Variants in AFAP1 observed in about 807,000 individuals in gnomAD.
AFAP1 encodes the protein actin filament associated protein 1.
Under a neutral mutation model 93.9 loss-of-function variants are expected in AFAP1, and 75 were observed. That is an observed-to-expected ratio of 0.80 (90% CI 0.66 to 0.97). The LOEUF is 0.97. AFAP1 is among the 50% of genes least tolerant of loss of function. AFAP1 has a pLI of 0.00. For synonymous variants in AFAP1, 517 were observed against 430.7 expected, an observed-to-expected ratio of 1.20 and a Z score of -2.48; for missense variants, 1,201 against 1,050.8, an observed-to-expected ratio of 1.14 and a Z score of -1.98.
At chr4:7,818,058 G>A (rs772026222) in intron 7 of AFAP1, among the ~76,000 whole-genome samples, 4 of 152,148 alleles carry the variant, frequency 2.6e-5, no homozygotes, top group Non-Finnish European at 5.9e-5. Flanking sequence ...CAATGTGGGG[G>A]GCATCTGGGG....
chr4:7,827,569 C>CGAAAAAAAAAAAAAA (rs1390814580), intron 6 of AFAP1, among the ~76,000 whole-genome samples: 1 of 52,254 alleles, frequency 1.9e-5, no homozygotes, highest in Non-Finnish European at 3.4e-5. Context: ...ACTCTGTCTC[C>CGAAAAAAAAAAAAAA]AAAAAAAAAA....
At chr4:7,808,631 G>C (rs1323100808) in intron 9 of AFAP1, among the ~76,000 whole-genome samples, 2 of 152,334 alleles carry the variant, frequency 1.3e-5, no homozygotes, top group East Asian at 3.9e-4. Flanking sequence ...CATTGGTATA[G>C]TTTGGATATT....
intron 9 of AFAP1, among the ~76,000 whole-genome samples, chr4:7,806,154 A>G (rs1271181820): frequency 6.6e-6 from 1 of 152,244 alleles, no homozygotes; most frequent in Non-Finnish European, 1.5e-5. Flanking sequence ...CATATTATCT[A>G]CGCGGCTGTG....
intron 8 of AFAP1, among the ~76,000 whole-genome samples, chr4:7,814,465 C>T (rs1297002083): frequency 6.6e-6 from 1 of 151,566 alleles, no homozygotes; most frequent in Non-Finnish European, 1.5e-5. Context: ...AAAAACCTGT[C>T]TCTGAATGCA....
chr4:7,767,272 G>GAGCAAA (rs1714732858), intron 17 of AFAP1, among the ~76,000 whole-genome samples: 1 of 152,234 alleles, frequency 6.6e-6, no homozygotes, highest in South Asian at 2.1e-4. Context: ...CATTCACCAA[G>GAGCAAA]AGGGAGCAAA....
chr4:7,867,054 GA>G (rs1000398840), intron 3 of AFAP1, among the ~76,000 whole-genome samples: 4 of 135,254 alleles, frequency 3.0e-5, no homozygotes, highest in Non-Finnish European at 6.3e-5. Flanking sequence ...GAGGAAAGAT[GA>G]AAGAGGGGAG....
At chr4:7,873,028 T>C (rs570323592) in intron 1 of AFAP1, among the ~76,000 whole-genome samples, 2 of 148,350 alleles carry the variant, frequency 1.3e-5, no homozygotes, top group African/African-American at 5.0e-5. Flanking sequence ...GGCAGGCGGA[T>C]CACCTAAGGT....
intron 13 of AFAP1, among the ~76,000 whole-genome samples, chr4:7,779,911 A>G (rs1716581563): frequency 6.6e-6 from 1 of 152,164 alleles, no homozygotes; most frequent in Non-Finnish European, 1.5e-5. Flanking sequence ...ATGTAATTTA[A>G]CTTGCAAAAA....
At chr4:7,814,170 CAAT>C (rs201816709) in intron 8 of AFAP1, among the ~76,000 whole-genome samples, 1,883 of 152,294 alleles carry the variant, frequency 0.012, 33 homozygotes, top group African/African-American at 0.042. Flanking sequence ...TCTCAAAACT[CAAT>C]AAGCACAAAT....
chr4:7,768,646 C>G (rs1328795855), intron 17 of AFAP1, among the ~76,000 whole-genome samples, 198 bp downstream of exon 17: 2 of 152,168 alleles, frequency 1.3e-5, no homozygotes, highest in African/African-American at 4.8e-5. Flanking sequence ...CACTGTTCAC[C>G]TTTGAGAACC....
intron 6 of AFAP1, among the ~76,000 whole-genome samples, chr4:7,837,323 G>A (rs1456230571): frequency 1.3e-5 from 2 of 152,088 alleles, no homozygotes; most frequent in African/African-American, 4.8e-5. Flanking sequence ...CAGAACCTCT[G>A]GGAGGTGACT....
Position 7,871,952 on chromosome 4 carries a change from C to A in AFAP1, c.127G>T (p.Gly43Cys). The A allele has an allele frequency of 1.2e-6, 2 of 1,614,088 alleles. No homozygotes were observed. The highest frequency in any genetic ancestry group is 8.5e-7 in the Non-Finnish European group (1 of 1,179,986). Reference protein sequence around the residue: ...NILLRIQSSKGFDVKDHAQKQ... With the variant: ...NILLRIQSSKCFDVKDHAQKQ... ...AAGCAGGCGTCAGAATGAGACTCAC[C>A]TTTGGATGACTGTATTCTTAGCAGA... The change falls in exon 2 of 18, where the codon GGT (glycine) becomes TGT (cysteine). Residue 43 changes from glycine (G) to cysteine (C), a missense_variant and splice_region_variant. By Grantham distance (159) the Gly-to-Cys change is radical. Transcript: ENST00000420658.
intron 6 of AFAP1, among the ~76,000 whole-genome samples, chr4:7,827,389 T>C (rs557715195): frequency 2.0e-5 from 3 of 151,338 alleles, no homozygotes; most frequent in Non-Finnish European, 4.4e-5. Flanking sequence ...CTGACCAACA[T>C]AGAGAAACCC....
At chr4:7,830,103 T>C (rs200877425) in intron 6 of AFAP1, among the ~76,000 whole-genome samples, 3,840 of 11,510 alleles carry the variant, frequency 0.33, 156 homozygotes, top group African/African-American at 0.49. Flanking sequence ...TTTGTTTAGG[T>C]GGAAAAAAAA....
intron 11 of AFAP1, among the ~76,000 whole-genome samples, chr4:7,790,896 G>A (rs1717805490): frequency 6.6e-6 from 1 of 152,198 alleles, no homozygotes; most frequent in Non-Finnish European, 1.5e-5. Context: ...GACAATCTGT[G>A]CAAGACTAGT....
At chr4:7,933,154 T>C (rs987963243) in intron 1 of AFAP1, among the ~76,000 whole-genome samples, 1 of 149,458 alleles carries the variant, frequency 6.7e-6, no homozygotes, top group Non-Finnish European at 1.5e-5. Flanking sequence ...GTAACCGCGG[T>C]GGGAGATTCT....
At chr4:7,868,500 G>A (rs1009777692) in intron 3 of AFAP1, 122 bp downstream of exon 3, 2 of 761,804 alleles carry the variant, frequency 2.6e-6, no homozygotes, top group African/African-American at 1.8e-5. Flanking sequence ...ACTCAAAGGA[G>A]TGCCTCGAGA....
intron 9 of AFAP1, chr4:7,809,375 AT>A (rs112743348): frequency 0.026 from 7,954 of 308,494 alleles, no homozygotes; most frequent in Middle Eastern, 0.038. Context: ...TTAAAGGGAA[AT>A]TTTTTTTTTT....
chr4:7,855,050 C>T (rs555843491), intron 4 of AFAP1, among the ~76,000 whole-genome samples: 4 of 152,158 alleles, frequency 2.6e-5, no homozygotes, highest in Non-Finnish European at 5.9e-5. Context: ...TTGTGCTGTA[C>T]CCAATTATTT....
Sources: allele counts gnomAD v4.1 joint callset (sites outside exome capture counted in the v4.1 genomes callset), GRCh38; gene constraint gnomAD v4.1.1; transcripts MANE v1.5; gene names NCBI Gene and HGNC (gene_info 2026-07-23, HGNC 2026-07-21).